NFKB1: variants seen among roughly 807,000 people sequenced by gnomAD.
NFKB1 encodes the protein nuclear factor NF-kappa-B p105 subunit.
A neutral mutation model predicts 105.1 loss-of-function variants in NFKB1; 9 were observed. The observed-to-expected ratio is 0.09, with a 90% confidence interval of 0.05 to 0.15. The LOEUF (loss-of-function observed/expected upper bound fraction) is 0.15. NFKB1 is among the 10% of genes least tolerant of loss of function. NFKB1 has a pLI of 1.00. For synonymous variants in NFKB1, 440 were observed against 442.2 expected, an observed-to-expected ratio of 1.00 and a Z score of 0.06; for missense variants, 830 against 1,203.7, an observed-to-expected ratio of 0.69 and a Z score of 4.59.
intron 1 of NFKB1, among the ~76,000 whole-genome samples, chr4:102,506,678 A>G (rs1233466991): frequency 6.6e-6 from 1 of 152,080 alleles, no homozygotes; most frequent in Non-Finnish European, 1.5e-5. Context: ...CAAAATGCCA[A>G]TACTCCCTGT....
At chr4:102,507,184 G>A (rs918066680) in intron 1 of NFKB1, among the ~76,000 whole-genome samples, 1 of 151,852 alleles carries the variant, frequency 6.6e-6, no homozygotes, top group African/African-American at 2.4e-5. Flanking sequence ...ATTAATAGCG[G>A]CAGTGTTTGT....
chr4:102,540,430 A>T (rs1431231494), intron 5 of NFKB1, among the ~76,000 whole-genome samples: 2 of 152,236 alleles, frequency 1.3e-5, no homozygotes, highest in African/African-American at 2.4e-5. Context: ...TTCTTGTAGA[A>T]TGAAAGTTTC....
chr4:102,526,938 GTGTATATA>G (rs1199668981), intron 2 of NFKB1, among the ~76,000 whole-genome samples: 1 of 151,902 alleles, frequency 6.6e-6, no homozygotes, highest in Non-Finnish European at 1.5e-5. Flanking sequence ...GTGTGTGTGT[GTGTATATA>G]TGTATATATG....
intron 15 of NFKB1, 104 bp downstream of exon 15, chr4:102,597,765 G>C: frequency 1.5e-6 from 2 of 1,325,424 alleles, no homozygotes; most frequent in Non-Finnish European, 2.1e-6. Context: ...CAAATATATT[G>C]AGTCCTCTAA....
intron 5 of NFKB1, among the ~76,000 whole-genome samples, chr4:102,558,784 G>A (rs997367367): frequency 1.3e-5 from 2 of 152,060 alleles, no homozygotes; most frequent in Admixed American, 6.6e-5. Flanking sequence ...CCAAGTAGCC[G>A]GAACTACAGG....
chr4:102,588,882 G>A (rs975594288), intron 11 of NFKB1, among the ~76,000 whole-genome samples: 4 of 152,168 alleles, frequency 2.6e-5, no homozygotes, highest in Non-Finnish European at 4.4e-5. Flanking sequence ...TGCAAAAGGA[G>A]AACTTGTAGT....
Position 102,567,120 on chromosome 4 carries a change from A to G in NFKB1, c.392A>G (p.Lys131Arg). The G allele has an allele frequency of 6.2e-7, 1 of 1,613,754 alleles. No individual in the cohort carries two copies. Among genetic ancestry groups the G allele is most frequent in the Non-Finnish European group, 8.5e-7 (1 of 1,179,688 alleles). The change falls in exon 6 of 24, where the codon AAG (lysine) becomes AGG (arginine). Residue 131 changes from lysine to arginine, a missense_variant. Lys to Arg is a conservative substitution (Grantham distance 26). Coordinates refer to ENST00000226574, the MANE Select transcript of NFKB1 (RefSeq NM_003998.4). ...ATCTGCACTGTAACTGCTGGACCCA[A>G]GGACATGGTGGTCGGGTAAGTAGGG... The part of the protein sequence containing the change: ...DGICTVTAGP[K>R]DMVVGFANLG...
At chr4:102,605,419 G>A (rs1329209100) in intron 16 of NFKB1, among the ~76,000 whole-genome samples, 1 of 152,226 alleles carries the variant, frequency 6.6e-6, no homozygotes, top group Admixed American at 6.5e-5. Flanking sequence ...ACCTGCTGCT[G>A]TAGCCAGTAA....
intron 5 of NFKB1, among the ~76,000 whole-genome samples, chr4:102,553,398 A>G (rs2149146863): frequency 6.6e-6 from 1 of 152,296 alleles, no homozygotes; most frequent in Non-Finnish European, 1.5e-5. Context: ...AGTCAGAGAT[A>G]TTCTTAATTA....
At chr4:102,605,114 T>C (rs1313662315) in intron 16 of NFKB1, among the ~76,000 whole-genome samples, 1 of 152,152 alleles carries the variant, frequency 6.6e-6, no homozygotes, top group Admixed American at 6.6e-5. Context: ...TTTTCCCATC[T>C]CCCCAAGTAG....
At chr4:102,571,939 A>T (rs1331765103) in intron 6 of NFKB1, among the ~76,000 whole-genome samples, 1 of 152,186 alleles carries the variant, frequency 6.6e-6, no homozygotes, top group Non-Finnish European at 1.5e-5. Flanking sequence ...TTCCTCAAGG[A>T]TCTAGAACTA....
intron 5 of NFKB1, among the ~76,000 whole-genome samples, chr4:102,545,611 T>G (rs1051994618): frequency 1.3e-5 from 2 of 152,144 alleles, no homozygotes; most frequent in African/African-American, 4.8e-5. Flanking sequence ...CCATTCATTA[T>G]CATAATGTTA....
chr4:102,519,780 A>C (rs532475938), intron 1 of NFKB1, among the ~76,000 whole-genome samples: 1 of 152,224 alleles, frequency 6.6e-6, no homozygotes, highest in Non-Finnish European at 1.5e-5. Context: ...TAGCATTACT[A>C]TATGAACCTG....
Position 102,594,942 on chromosome 4 carries a change from C to T in NFKB1, c.1261C>T (p.His421Tyr). 6.2e-7 allele frequency: 1 copy of T among 1,611,428 alleles called. No homozygotes were observed. Among genetic ancestry groups the T allele is most frequent in the Non-Finnish European group, 8.5e-7 (1 of 1,178,312 alleles). Residue 421 changes from histidine (H) to tyrosine (Y), a missense_variant, in exon 13 of 24, where the codon CAT becomes TAT. Transcript: ENST00000226574. ...TCCTACTTATGGTGGGATTACTTTCCATCCTGGAACTACTAAATCTAATGC... is the reference window on the plus strand; with the variant it reads ...TCCTACTTATGGTGGGATTACTTTCTATCCTGGAACTACTAAATCTAATGC... ...GFPTYGGITFHPGTTKSNAGM... is the reference protein window; with the variant it reads ...GFPTYGGITFYPGTTKSNAGM...
chr4:102,512,960 CTG>C (rs1490876062), intron 1 of NFKB1, among the ~76,000 whole-genome samples: 1 of 152,182 alleles, frequency 6.6e-6, no homozygotes, highest in East Asian at 1.9e-4. Flanking sequence ...ATCAGTTTCT[CTG>C]TATTTGAACA....
intron 4 of NFKB1, among the ~76,000 whole-genome samples, chr4:102,536,543 C>A (rs558864019): frequency 6.6e-6 from 1 of 152,272 alleles, no homozygotes; most frequent in African/African-American, 2.4e-5. Flanking sequence ...GTTCAAGGCA[C>A]CTGGACTGCT....
intron 1 of NFKB1, among the ~76,000 whole-genome samples, chr4:102,523,085 C>T (rs1197276275): frequency 1.3e-5 from 2 of 152,134 alleles, no homozygotes; most frequent in Non-Finnish European, 2.9e-5. Context: ...TTTCAAAAAT[C>T]CATTCCATCA....
At chr4:102,569,852 G>A (rs187899349) in intron 6 of NFKB1, among the ~76,000 whole-genome samples, 2 of 151,570 alleles carry the variant, frequency 1.3e-5, no homozygotes, top group Non-Finnish European at 3.0e-5. Flanking sequence ...GTAATGTAGG[G>A]GATTTGTCAT....
At chr4:102,548,972 G>A (rs1434245982) in intron 5 of NFKB1, among the ~76,000 whole-genome samples, 2 of 152,024 alleles carry the variant, frequency 1.3e-5, no homozygotes, top group Admixed American at 1.3e-4. Context: ...TGAATTCTGG[G>A]GGTACACCAT....
Sources: gnomAD v4.1 joint callset for allele counts (sites outside exome capture counted in the v4.1 genomes callset) on GRCh38, gnomAD v4.1.1 for gene constraint, MANE v1.5 for transcripts, NCBI Gene and HGNC (gene_info 2026-07-23, HGNC 2026-07-21) for gene names.